ASCC3: variants seen among roughly 807,000 people sequenced by gnomAD.
The protein encoded by ASCC3 is activating signal cointegrator 1 complex subunit 3.
Under a neutral mutation model 256.3 loss-of-function variants are expected in ASCC3, and 158 were observed. The observed-to-expected ratio is 0.62, with a 90% CI of 0.54 to 0.70. The LOEUF (loss-of-function observed/expected upper bound fraction) is 0.70, where lower values mean the gene tolerates loss of function less well. Among genes scored for constraint, ASCC3 ranks in the 30% least tolerant of loss-of-function variants. The pLI is 0.00. For synonymous variants in ASCC3, 948 were observed against 883.4 expected, an observed-to-expected ratio of 1.07 and a Z score of -1.30; for missense variants, 2,259 against 2,626.0, an observed-to-expected ratio of 0.86 and a Z score of 3.05.
intron 4 of ASCC3, 107 bp downstream of exon 4, chr6:100,848,041 A>C: frequency 8.9e-7 from 1 of 1,128,872 alleles, no homozygotes; most frequent in Non-Finnish European, 1.2e-6. Flanking sequence ...TTCAACTACT[A>C]TACAGAACAT....
chr6:100,879,382 G>T (rs761134035), intron 1 of ASCC3, among the ~76,000 whole-genome samples: 1 of 152,176 alleles, frequency 6.6e-6, no homozygotes, highest in African/African-American at 2.4e-5. Flanking sequence ...AAGCAGTTAG[G>T]GGGTGGGGAT....
At chr6:100,844,620 C>G (rs923795707) in intron 4 of ASCC3, among the ~76,000 whole-genome samples, 1 of 152,026 alleles carries the variant, frequency 6.6e-6, no homozygotes, top group Non-Finnish European at 1.5e-5. Context: ...GAATAAAATT[C>G]AAGAACATAA....
intron 13 of ASCC3, among the ~76,000 whole-genome samples, chr6:100,708,608 C>T (rs897389379): frequency 6.6e-6 from 1 of 152,066 alleles, no homozygotes; most frequent in Non-Finnish European, 1.5e-5. Flanking sequence ...GGGAGAGCCA[C>T]TGGCATCTAC....
At chr6:100,670,664 C>A (rs1776701747) in intron 14 of ASCC3, among the ~76,000 whole-genome samples, 1 of 147,782 alleles carries the variant, frequency 6.8e-6, no homozygotes, top group African/African-American at 2.5e-5. Context: ...TTTTAATCCG[C>A]AGTTGGCTGA....
chr6:100,556,839 T>C (rs1372870943), intron 36 of ASCC3, among the ~76,000 whole-genome samples: 1 of 152,034 alleles, frequency 6.6e-6, no homozygotes, highest in African/African-American at 2.4e-5. Context: ...GAACATTTTT[T>C]TTTAAGGGAG....
At chr6:100,532,397 T>G (rs1562098473) in intron 37 of ASCC3, among the ~76,000 whole-genome samples, 1 of 45,170 alleles carries the variant, frequency 2.2e-5, no homozygotes, top group African/African-American at 8.8e-5. Context: ...TATATATATA[T>G]ATATATATAT....
intron 32 of ASCC3, 141 bp downstream of exon 32, chr6:100,606,599 G>T: frequency 1.1e-6 from 1 of 924,942 alleles, no homozygotes; most frequent in African/African-American, 1.7e-5. Context: ...AAAACAAAAA[G>T]TCTATAATTG....
chr6:100,845,831 T>A (rs983163819), intron 4 of ASCC3, among the ~76,000 whole-genome samples: 2 of 152,164 alleles, frequency 1.3e-5, no homozygotes, highest in African/African-American at 4.8e-5. Context: ...AATGGATTTA[T>A]CATCAATTAG....
At chr6:100,781,926 A>G (rs1782469025) in intron 8 of ASCC3, among the ~76,000 whole-genome samples, 1 of 151,918 alleles carries the variant, frequency 6.6e-6, no homozygotes, top group African/African-American at 2.4e-5. Flanking sequence ...CAATTTACAT[A>G]TCTATATTTT....
intron 14 of ASCC3, among the ~76,000 whole-genome samples, chr6:100,675,945 A>G: frequency 6.6e-6 from 1 of 152,272 alleles, no homozygotes; most frequent in Non-Finnish European, 1.5e-5. Flanking sequence ...CATTTAACTT[A>G]AAATTAAAAT....
intron 1 of ASCC3, among the ~76,000 whole-genome samples, chr6:100,880,408 A>C (rs1769240937): frequency 6.6e-6 from 1 of 152,236 alleles, no homozygotes; most frequent in African/African-American, 2.4e-5. Context: ...AAGTGACAAC[A>C]CATCAAACTT....
intron 3 of ASCC3, among the ~76,000 whole-genome samples, chr6:100,863,607 T>C (rs1045329614): frequency 5.3e-5 from 8 of 152,136 alleles, no homozygotes; most frequent in Non-Finnish European, 1.0e-4. Context: ...CGCTGATAGA[T>C]ACGGACTGTC....
chr6:100,843,803 A>G (rs1772261546), intron 4 of ASCC3, among the ~76,000 whole-genome samples: 1 of 152,134 alleles, frequency 6.6e-6, no homozygotes, highest in South Asian at 2.1e-4. Context: ...TCGCTTTTAA[A>G]TATCATTTTA....
intron 36 of ASCC3, among the ~76,000 whole-genome samples, chr6:100,585,074 C>T (rs1358264272): frequency 3.3e-5 from 5 of 152,128 alleles, no homozygotes; most frequent in South Asian, 2.1e-4. Context: ...TTGCTCTTCT[C>T]GAGGAGTATC....
chr6:100,781,254 GT>G (rs2114258215), intron 8 of ASCC3, among the ~76,000 whole-genome samples: 1 of 152,224 alleles, frequency 6.6e-6, no homozygotes, highest in African/African-American at 2.4e-5. Context: ...AGTTCCACAA[GT>G]GTTTTTTATC....
chr6:100,660,734 A>G (rs1228304808), intron 16 of ASCC3, among the ~76,000 whole-genome samples: 2 of 151,650 alleles, frequency 1.3e-5, no homozygotes, highest in African/African-American at 2.4e-5. Context: ...ATTTTCTCAT[A>G]AAATAAAGAT....
intron 13 of ASCC3, among the ~76,000 whole-genome samples, chr6:100,714,676 C>T (rs1168071912): frequency 6.6e-6 from 1 of 151,948 alleles, no homozygotes; most frequent in Non-Finnish European, 1.5e-5. Flanking sequence ...ACTTAAAATA[C>T]TTGTGATTTC....
At chr6:100,711,352 A>G (rs1778843961) in intron 13 of ASCC3, among the ~76,000 whole-genome samples, 1 of 152,226 alleles carries the variant, frequency 6.6e-6, no homozygotes. Flanking sequence ...AATATCTACT[A>G]TGTGTCCCAC....
chr6:100,629,390 T>C (rs1774420663), intron 26 of ASCC3, among the ~76,000 whole-genome samples: 1 of 152,198 alleles, frequency 6.6e-6, no homozygotes, highest in Non-Finnish European at 1.5e-5. Flanking sequence ...GAAGGTCATA[T>C]AAATTCCAAT....
Sources: allele counts gnomAD v4.1 joint callset (sites outside exome capture counted in the v4.1 genomes callset), GRCh38; gene constraint gnomAD v4.1.1; transcripts MANE v1.5; gene names NCBI Gene and HGNC (gene_info 2026-07-23, HGNC 2026-07-21).